The following CADPS2 variants were observed in gnomAD, a reference collection of about 807,000 sequenced individuals.
CADPS2 encodes the protein calcium-dependent secretion activator 2.
A neutral mutation model predicts 172.5 loss-of-function variants in CADPS2; 93 were observed. The ratio of observed to expected loss-of-function variants is 0.54; its 90% CI spans 0.46 to 0.64. The LOEUF (loss-of-function observed/expected upper bound fraction) is 0.64, where lower values mean the gene tolerates loss of function less well. CADPS2 is among the 30% of genes least tolerant of loss of function. The probability of loss-of-function intolerance (pLI) is 0.00; values close to 1 mark genes in which losing one functional copy is unlikely to be tolerated. For missense variants in CADPS2, 1,420 were observed against 1,565.9 expected, an observed-to-expected ratio of 0.91 and a Z score of 1.57; for synonymous variants, 546 against 555.2, an observed-to-expected ratio of 0.98 and a Z score of 0.23.
chr7:122,349,583 GA>G (rs2151017048), intron 27 of CADPS2, among the ~76,000 whole-genome samples: 1 of 152,186 alleles, frequency 6.6e-6, no homozygotes, highest in South Asian at 2.1e-4. Flanking sequence ...AGCACAAAGG[GA>G]TCAAGAACTA....
chr7:122,785,404 G>A (rs1051744373), intron 1 of CADPS2, among the ~76,000 whole-genome samples: 9 of 152,070 alleles, frequency 5.9e-5, no homozygotes, highest in African/African-American at 2.2e-4. Flanking sequence ...GTTGTTCTGT[G>A]GTTTATTTAG....
chr7:122,584,978 TG>T, intron 6 of CADPS2, among the ~76,000 whole-genome samples: 1 of 152,076 alleles, frequency 6.6e-6, no homozygotes, highest in East Asian at 1.9e-4. Flanking sequence ...GGTACATTAT[TG>T]TATTTATGGC....
At chr7:122,844,497 T>C (rs2140979719) in intron 1 of CADPS2, among the ~76,000 whole-genome samples, 1 of 152,352 alleles carries the variant, frequency 6.6e-6, no homozygotes, top group South Asian at 2.1e-4. Context: ...ATCTATAATA[T>C]TCAAACTGTG....
chr7:122,537,930 T>C (rs983521053), intron 8 of CADPS2, among the ~76,000 whole-genome samples: 1 of 151,686 alleles, frequency 6.6e-6, no homozygotes, highest in Non-Finnish European at 1.5e-5. Flanking sequence ...CTAAATCTAA[T>C]AATAATCTGG....
chr7:122,803,353 T>C (rs557411218), intron 1 of CADPS2, among the ~76,000 whole-genome samples: 2 of 152,272 alleles, frequency 1.3e-5, no homozygotes, highest in African/African-American at 4.8e-5. Flanking sequence ...CCTTTGAAGT[T>C]AGGAACAAGA....
At chr7:122,553,472 A>G (rs549905021) in intron 8 of CADPS2, among the ~76,000 whole-genome samples, 1 of 152,180 alleles carries the variant, frequency 6.6e-6, no homozygotes, top group South Asian at 2.1e-4. Context: ...CTAAGAGCCC[A>G]CCCTCTCATG....
Position 122,407,651 on chromosome 7 carries a change from A to G in CADPS2, c.2635T>C (p.Phe879Leu). 6.2e-7 allele frequency: 1 copy of G among 1,611,974 alleles called. No homozygotes were observed. Among genetic ancestry groups the G allele is most frequent in the Non-Finnish European group, 8.5e-7 (1 of 1,178,998 alleles). Residue 879 changes from phenylalanine (F) to leucine (L), a missense_variant, in exon 20 of 30, where the codon TTT (phenylalanine) becomes CTT (leucine). By Grantham distance (22) the Phe-to-Leu change is conservative. Coordinates refer to ENST00000449022, the MANE Select transcript of CADPS2 (RefSeq NM_017954.11). ...ATATCCACTGTAAATAAAGCCCAAAATTTCTCTGCATGTTCAGCCAATAAA... is the reference window on the plus strand; with the variant it reads ...ATATCCACTGTAAATAAAGCCCAAAGTTTCTCTGCATGTTCAGCCAATAAA... ...PDLLAEHAEK[F>L]WALFTVDMDT...
chr7:122,690,793 C>T (rs2084249207), intron 2 of CADPS2, among the ~76,000 whole-genome samples: 1 of 152,212 alleles, frequency 6.6e-6, no homozygotes, highest in Admixed American at 6.5e-5. Flanking sequence ...TGATCACCAT[C>T]CACATTGCTC....
intron 2 of CADPS2, among the ~76,000 whole-genome samples, chr7:122,675,001 T>C (rs1398062167): frequency 6.6e-6 from 1 of 152,206 alleles, no homozygotes; most frequent in Non-Finnish European, 1.5e-5. Context: ...ATCAAATAAT[T>C]TTGGTTTTCC....
intron 8 of CADPS2, among the ~76,000 whole-genome samples, chr7:122,543,693 G>A (rs943809911): frequency 2.0e-5 from 3 of 151,896 alleles, no homozygotes; most frequent in Non-Finnish European, 2.9e-5. Flanking sequence ...AGTCTGTGAT[G>A]GAAAAATGAA....
At chr7:122,840,790 T>A (rs1260884496) in intron 1 of CADPS2, among the ~76,000 whole-genome samples, 2 of 152,050 alleles carry the variant, frequency 1.3e-5, no homozygotes, top group African/African-American at 2.4e-5. Context: ...TCTTTAAAAA[T>A]TTTTGAATGT....
intron 2 of CADPS2, among the ~76,000 whole-genome samples, chr7:122,712,541 C>G (rs2088915808): frequency 2.0e-5 from 3 of 152,022 alleles, no homozygotes; most frequent in Admixed American, 2.0e-4. Flanking sequence ...TTTGTGTACC[C>G]AGGGATTCAA....
chr7:122,580,758 G>A (rs1463264545), intron 7 of CADPS2, among the ~76,000 whole-genome samples: 2 of 152,124 alleles, frequency 1.3e-5, no homozygotes, highest in Non-Finnish European at 2.9e-5. Context: ...GATGCACTTC[G>A]GAGATATTCT....
At chr7:122,508,203 T>C (rs996301772) in intron 9 of CADPS2, among the ~76,000 whole-genome samples, 1 of 152,022 alleles carries the variant, frequency 6.6e-6, no homozygotes, top group Admixed American at 6.6e-5. Context: ...CTCACAAAAA[T>C]GTAAACTTTT....
At chr7:122,526,836 T>A (rs774640218) in intron 8 of CADPS2, among the ~76,000 whole-genome samples, 3 of 152,140 alleles carry the variant, frequency 2.0e-5, no homozygotes, top group Non-Finnish European at 4.4e-5. Flanking sequence ...TAATGTTTAC[T>A]CCCCACACAA....
Position 122,702,696 on chromosome 7 carries a change from A to G in CADPS2, c.453+34259T>C, listed in dbSNP as rs745926349. 13 of 1,612,710 alleles carry G rather than the reference A, an allele frequency of 8.1e-6. No homozygotes were observed. The African/African-American group carries it at 9.3e-5, about 12-fold the overall frequency. On this transcript the variant is annotated intron_variant, in intron 2 of 29. Coordinates refer to ENST00000449022, the MANE Select transcript of CADPS2 (RefSeq NM_017954.11). ...AGTAGTAGAAAGATACTAAGCCTCA[A>G]AAGTCCAGATGAAACAGAACTATGC...
At chr7:122,553,708 C>T (rs182453817) in intron 8 of CADPS2, among the ~76,000 whole-genome samples, 6 of 152,260 alleles carry the variant, frequency 3.9e-5, no homozygotes, top group Admixed American at 3.3e-4. Flanking sequence ...CTAATGCCAG[C>T]AGACTCTGCT....
chr7:122,786,511 T>C (rs1246208891), intron 1 of CADPS2, among the ~76,000 whole-genome samples: 1 of 152,198 alleles, frequency 6.6e-6, no homozygotes, highest in African/African-American at 2.4e-5. Context: ...TTAGGAAATA[T>C]GACCTGTAAG....
At chr7:122,845,656 T>C (rs921821283) in intron 1 of CADPS2, among the ~76,000 whole-genome samples, 3 of 152,206 alleles carry the variant, frequency 2.0e-5, no homozygotes, top group Non-Finnish European at 4.4e-5. Context: ...ACTATCCCAC[T>C]GCAGGCTTCC....
Sources: gnomAD v4.1 joint callset for allele counts (sites outside exome capture counted in the v4.1 genomes callset) on GRCh38, gnomAD v4.1.1 for gene constraint, MANE v1.5 for transcripts, NCBI Gene and HGNC (gene_info 2026-07-23, HGNC 2026-07-21) for gene names.